The following FOXO1 variants were observed in gnomAD, a reference collection of about 807,000 sequenced individuals.
FOXO1 encodes the protein forkhead box protein O1.
Under a neutral mutation model 44.1 loss-of-function variants are expected in FOXO1, and 6 were observed. The ratio of observed to expected loss-of-function variants is 0.14; its 90% CI spans 0.07 to 0.27. FOXO1 has a LOEUF of 0.27. FOXO1 is among the 10% of genes least tolerant of loss of function. The pLI is 1.00. For synonymous variants in FOXO1, 380 were observed against 362.7 expected (o/e 1.05, Z -0.54); for missense variants, 737 against 888.8 (o/e 0.83, Z 2.17).
At position 40,599,840 on chromosome 13, in the gene FOXO1, C is replaced by T. The variant is rs143040396; in HGVS notation, c.631-38980G>A. On this transcript the variant is annotated intron_variant, in intron 1 of 2. Coordinates refer to ENST00000379561, the MANE Select transcript of FOXO1 (RefSeq NM_002015.4). ...TTTTATCCTCAAAGTAGCAGAGTGTCTGAAGATGCTTCAGGAGGTGAAATG... is the reference window on the plus strand; with the variant it reads ...TTTTATCCTCAAAGTAGCAGAGTGTTTGAAGATGCTTCAGGAGGTGAAATG... Among the ~76,000 whole-genome samples, 203 of 152,264 alleles carry T rather than the reference C, an allele frequency of 1.3e-3. 2 individuals are homozygous for T. Among genetic ancestry groups the T allele is most frequent in the African/African-American group, 4.6e-3 (192 of 41,542 alleles).
At chr13:40,606,577 T>C (rs1370159876) in intron 1 of FOXO1, among the ~76,000 whole-genome samples, 1 of 152,106 alleles carries the variant, frequency 6.6e-6, no homozygotes, top group African/African-American at 2.4e-5. Context: ...CCTCCCAAAA[T>C]GCCAGGATTC....
At chr13:40,650,339 A>G (rs1877639489) in intron 1 of FOXO1, among the ~76,000 whole-genome samples, 1 of 152,118 alleles carries the variant, frequency 6.6e-6, no homozygotes, top group Admixed American at 6.5e-5. Context: ...TCTTGTGCTG[A>G]CCAACTATCT....
At chr13:40,623,254 T>A (rs1318507911) in intron 1 of FOXO1, among the ~76,000 whole-genome samples, 1 of 152,198 alleles carries the variant, frequency 6.6e-6, no homozygotes, top group Non-Finnish European at 1.5e-5. Flanking sequence ...AAGGCTGCTC[T>A]ATGAACACAG....
intron 1 of FOXO1, among the ~76,000 whole-genome samples, chr13:40,597,762 G>A (rs1479853834): frequency 6.6e-6 from 1 of 152,170 alleles, no homozygotes; most frequent in Non-Finnish European, 1.5e-5. Flanking sequence ...GGGTGAAGGC[G>A]CCTCTCTCTC....
chr13:40,620,004 T>C lies in FOXO1; in HGVS notation c.630+45579A>G, dbSNP rs1030337426. 3.4e-5 allele frequency: 25 copies of C among 733,286 alleles called. 1 individual carries two copies. Among genetic ancestry groups the C allele is most frequent in the Non-Finnish European group, 5.8e-5 (24 of 416,254 alleles). 45.4% of individuals were successfully genotyped at this position (733,286 alleles called of 1,614,324 possible). The stretch of plus-strand genomic sequence containing the variant: ...CAATTCAGAGACACAGTGGCACTGT[T>C]TGTCATAATTCACAAAGGGAAAGTA... On this transcript the variant is annotated intron_variant, in intron 1 of 2. Coordinates refer to ENST00000379561, the MANE Select transcript of FOXO1 (RefSeq NM_002015.4).
rs1876154572 is a variant in FOXO1, at chr13:40,609,640, T to C, written c.631-48780A>G. On this transcript the variant is annotated intron_variant, in intron 1 of 2. Coordinates refer to ENST00000379561, the MANE Select transcript of FOXO1 (RefSeq NM_002015.4). ...TATTTTTGAACCAAGGCCAGTAGAA[T>C]AGCACTGTCTTCAAGGAAAACTTTA... is the stretch of plus-strand genomic sequence containing the variant. Among the ~76,000 whole-genome samples, 5 of 152,100 alleles carry C rather than the reference T, an allele frequency of 3.3e-5. No homozygotes were observed. In the South Asian group the frequency reaches 1.0e-3, roughly 32 times the overall value.
chr13:40,610,233 G>A (rs1487615554), intron 1 of FOXO1, among the ~76,000 whole-genome samples: 4 of 152,274 alleles, frequency 2.6e-5, no homozygotes, highest in Non-Finnish European at 5.9e-5. Context: ...TGAGGGAAGG[G>A]AGAGGAGATA....
chr13:40,598,682 T>A (rs1566071456), intron 1 of FOXO1, among the ~76,000 whole-genome samples: 1 of 152,236 alleles, frequency 6.6e-6, no homozygotes, highest in Admixed American at 6.5e-5. Context: ...TCTCTGAACC[T>A]GAATACACCC....
intron 1 of FOXO1, among the ~76,000 whole-genome samples, chr13:40,661,996 C>A (rs983543101): frequency 6.6e-6 from 1 of 151,382 alleles, no homozygotes; most frequent in Non-Finnish European, 1.5e-5. Context: ...ATATGTGAAA[C>A]CCCCTCTCTA....
chr13:40,603,946 C>T (rs997223926), intron 1 of FOXO1, among the ~76,000 whole-genome samples: 20 of 152,126 alleles, frequency 1.3e-4, no homozygotes, highest in African/African-American at 4.6e-4. Flanking sequence ...GTGCCATATA[C>T]AATCATGAAG....
At chr13:40,600,885 A>G (rs1875793137) in intron 1 of FOXO1, among the ~76,000 whole-genome samples, 1 of 152,194 alleles carries the variant, frequency 6.6e-6, no homozygotes, top group Admixed American at 6.5e-5. Context: ...ATCATCATAA[A>G]TCTTAGATGA....
chr13:40,585,286 T>C (rs938069829), intron 1 of FOXO1, among the ~76,000 whole-genome samples: 5 of 152,078 alleles, frequency 3.3e-5, no homozygotes, highest in Non-Finnish European at 7.4e-5. Flanking sequence ...TGCAATTTCC[T>C]GGAATTTTCC....
chr13:40,585,658 G>A (rs1324274846), intron 1 of FOXO1, among the ~76,000 whole-genome samples: 2 of 152,134 alleles, frequency 1.3e-5, no homozygotes, highest in African/African-American at 2.4e-5. Context: ...AAGCTTCTGC[G>A]GAAATAATTG....
intron 1 of FOXO1, among the ~76,000 whole-genome samples, chr13:40,622,766 T>A (rs898455109): frequency 3.3e-5 from 5 of 152,212 alleles, no homozygotes; most frequent in African/African-American, 1.2e-4. Flanking sequence ...AACTATTTTT[T>A]ATCATTATTC....
intron 1 of FOXO1, among the ~76,000 whole-genome samples, chr13:40,577,154 C>A (rs1390972246): frequency 7.9e-6 from 1 of 127,316 alleles, no homozygotes; most frequent in Non-Finnish European, 1.7e-5. Flanking sequence ...AGACTCCCCC[C>A]ACCCACCCAC....
At chr13:40,601,534 T>C (rs1390843273) in intron 1 of FOXO1, among the ~76,000 whole-genome samples, 1 of 152,248 alleles carries the variant, frequency 6.6e-6, no homozygotes, top group Admixed American at 6.5e-5. Flanking sequence ...TTTTAAATTA[T>C]ACATACAGAT....
chr13:40,599,548 C>T (rs1875741994), intron 1 of FOXO1, among the ~76,000 whole-genome samples: 2 of 152,138 alleles, frequency 1.3e-5, no homozygotes. Context: ...CACTTATGTT[C>T]GTTTTGTTTA....
chr13:40,619,526 G>C, intron 1 of FOXO1: 1 of 1,352,978 alleles, frequency 7.4e-7, no homozygotes, highest in Non-Finnish European at 1.1e-6. Context: ...CATGAAAATA[G>C]AGGATCTGAA....
intron 1 of FOXO1, among the ~76,000 whole-genome samples, chr13:40,578,335 T>G (rs1593385885): frequency 6.6e-6 from 1 of 152,324 alleles, no homozygotes; most frequent in Non-Finnish European, 1.5e-5. Context: ...GGTCCTAGAA[T>G]GCTGATCCTG....
Sources: gnomAD v4.1 joint callset for allele counts (sites outside exome capture counted in the v4.1 genomes callset) on GRCh38, gnomAD v4.1.1 for gene constraint, MANE v1.5 for transcripts, NCBI Gene and HGNC (gene_info 2026-07-23, HGNC 2026-07-21) for gene names.